The following CNBD1 variants were observed in gnomAD, a reference collection of about 807,000 sequenced individuals.
The protein encoded by CNBD1 is cyclic nucleotide binding domain containing 1, also known as cyclic nucleotide-binding domain-containing protein 1.
In CNBD1, 71 loss-of-function variants were observed where a neutral mutation model predicts 54.4. The observed-to-expected ratio is 1.30, with a 90% CI of 1.08 to 1.59. The LOEUF (loss-of-function observed/expected upper bound fraction) is 1.59, where lower values mean the gene tolerates loss of function less well. Among genes scored for constraint, CNBD1 ranks in the 40% most tolerant of loss-of-function variants. CNBD1 has a pLI of 0.00. For synonymous variants in CNBD1, 182 were observed against 170.7 expected (o/e 1.07, Z -0.51); for missense variants, 659 against 518.0 (o/e 1.27, Z -2.64).
At chr8:87,085,938 C>T (rs1282220408) in intron 4 of CNBD1, among the ~76,000 whole-genome samples, 1 of 152,112 alleles carries the variant, frequency 6.6e-6, no homozygotes, top group African/African-American at 2.4e-5. Context: ...TGGGTCCCCA[C>T]CTACATGCTT....
At chr8:87,057,004 AGTGTG>A (rs1810429353) in intron 4 of CNBD1, among the ~76,000 whole-genome samples, 2 of 152,182 alleles carry the variant, frequency 1.3e-5, no homozygotes, top group Non-Finnish European at 2.9e-5. Flanking sequence ...CAACCAAAAG[AGTGTG>A]GCAAAGTTGA....
At chr8:87,013,765 A>G (rs1809273215) in intron 4 of CNBD1, among the ~76,000 whole-genome samples, 1 of 151,550 alleles carries the variant, frequency 6.6e-6, no homozygotes. Context: ...AAAGGCCTTT[A>G]TAAATTCTAT....
At chr8:87,200,649 G>C (rs1014860938) in intron 4 of CNBD1, among the ~76,000 whole-genome samples, 1 of 152,006 alleles carries the variant, frequency 6.6e-6, no homozygotes, top group Non-Finnish European at 1.5e-5. Context: ...TGCTAACAAT[G>C]ATGTAACCTA....
chr8:87,395,924 CT>C (rs2130973307), intron 2 of CNBD1, among the ~76,000 whole-genome samples: 1 of 151,998 alleles, frequency 6.6e-6, no homozygotes, highest in East Asian at 1.9e-4. Context: ...AGTACCTCTC[CT>C]TACTGCCGCC....
intron 6 of CNBD1, among the ~76,000 whole-genome samples, chr8:87,266,358 G>C (rs1272898212): frequency 2.0e-5 from 3 of 148,096 alleles, no homozygotes; most frequent in African/African-American, 7.5e-5. Context: ...AATTAATACT[G>C]GGCACTAGCG....
At chr8:87,345,615 G>C (rs549896921) in intron 8 of CNBD1, among the ~76,000 whole-genome samples, 1 of 152,018 alleles carries the variant, frequency 6.6e-6, no homozygotes, top group South Asian at 2.1e-4. Context: ...AACAATAATT[G>C]TTCAAAATAA....
chr8:86,913,558 C>A (rs1809137249), intron 3 of CNBD1, among the ~76,000 whole-genome samples: 1 of 152,016 alleles, frequency 6.6e-6, no homozygotes, highest in Non-Finnish European at 1.5e-5. Context: ...TTCTGTGATG[C>A]CCCCTGAGCC....
At chr8:87,076,964 T>C (rs757990206) in intron 4 of CNBD1, among the ~76,000 whole-genome samples, 4 of 152,222 alleles carry the variant, frequency 2.6e-5, no homozygotes, top group Non-Finnish European at 5.9e-5. Context: ...AATTTTGACT[T>C]TGTTGACATT....
intron 4 of CNBD1, among the ~76,000 whole-genome samples, chr8:86,953,794 G>A (rs1191048791): frequency 1.3e-5 from 2 of 151,996 alleles, no homozygotes; most frequent in Non-Finnish European, 2.9e-5. Flanking sequence ...TTGAACCCAG[G>A]AGGTGGAGGT....
intron 2 of CNBD1, among the ~76,000 whole-genome samples, chr8:87,408,525 A>T (rs903004132): frequency 3.3e-5 from 5 of 152,098 alleles, no homozygotes; most frequent in African/African-American, 1.2e-4. Context: ...ACTATTTTTA[A>T]GGACTTTGGG....
At chr8:87,382,558 A>T in intron 10 of CNBD1, 62 bp from the exon 11 acceptor site, 2 of 1,392,678 alleles carry the variant, frequency 1.4e-6, no homozygotes, top group South Asian at 1.3e-5. Context: ...TCTGTAGGAA[A>T]ATAATTACCA....
intron 4 of CNBD1, among the ~76,000 whole-genome samples, chr8:87,170,625 T>G (rs1324509529): frequency 1.3e-5 from 2 of 152,174 alleles, no homozygotes; most frequent in African/African-American, 4.8e-5. Flanking sequence ...GGCATGTTCC[T>G]TCTACACCTA....
intron 1 of CNBD1, among the ~76,000 whole-genome samples, chr8:86,869,009 G>T (rs1468225797): frequency 1.3e-5 from 2 of 152,014 alleles, no homozygotes; most frequent in African/African-American, 2.4e-5. Flanking sequence ...AGATGGAGGG[G>T]GGACAAAAGC....
intron 2 of CNBD1, among the ~76,000 whole-genome samples, chr8:86,891,445 A>G (rs556602912): frequency 3.9e-5 from 6 of 152,136 alleles, no homozygotes; most frequent in Admixed American, 1.3e-4. Flanking sequence ...ATTGATCAGT[A>G]TGTCTGTTTT....
At chr8:87,147,265 T>C (rs1357398888) in intron 4 of CNBD1, among the ~76,000 whole-genome samples, 1 of 152,164 alleles carries the variant, frequency 6.6e-6, no homozygotes, top group East Asian at 1.9e-4. Flanking sequence ...ATCTATGTAA[T>C]ACCCCCTAAT....
intron 5 of CNBD1, among the ~76,000 whole-genome samples, chr8:87,210,509 A>G (rs1014309918): frequency 1.3e-5 from 2 of 152,190 alleles, no homozygotes; most frequent in African/African-American, 2.4e-5. Flanking sequence ...GGATGAAACA[A>G]TGGTTTTGTG....
chr8:86,889,515 G>T (rs1040240074), intron 2 of CNBD1, among the ~76,000 whole-genome samples: 1 of 152,072 alleles, frequency 6.6e-6, no homozygotes, highest in Non-Finnish European at 1.5e-5. Context: ...GAAAGGCTGA[G>T]AATTAAATGA....
Position 87,353,819 on chromosome 8 carries a change from C to T in CNBD1, c.1303+33C>T, listed in dbSNP as rs201005187. On this transcript the variant is annotated intron_variant, in intron 10 of 10. Transcript: ENST00000518476. Reference sequence around the variant, plus strand: ...CATAAATATCTTTTAACTGTTATACCATTTTATTGGATGAGTTCTTAAATT... The same window carrying T: ...CATAAATATCTTTTAACTGTTATACTATTTTATTGGATGAGTTCTTAAATT... 527 of 1,505,726 alleles carry T rather than the reference C, an allele frequency of 3.5e-4. 2 individuals carry two copies. The highest frequency in any genetic ancestry group is 1.0e-3 in the Middle Eastern group (5 of 4,838). 93.3% of individuals were successfully genotyped at this position (1,505,726 alleles called of 1,614,324 possible). A position where few individuals can be genotyped will look rare whatever the true frequency, so the allele number is the denominator to read the frequency against.
chr8:86,995,944 T>C (rs1314830949), intron 4 of CNBD1, among the ~76,000 whole-genome samples: 2 of 152,094 alleles, frequency 1.3e-5, no homozygotes, highest in African/African-American at 4.8e-5. Flanking sequence ...CCAATGGCTT[T>C]CTGTTTCTTG....
Sources: allele counts gnomAD v4.1 joint callset (sites outside exome capture counted in the v4.1 genomes callset), GRCh38; gene constraint gnomAD v4.1.1; transcripts MANE v1.5; gene names NCBI Gene and HGNC (gene_info 2026-07-23, HGNC 2026-07-21).